The following MAST2 variants were observed in gnomAD, a reference collection of about 807,000 sequenced individuals.
MAST2 encodes the protein microtubule-associated serine/threonine-protein kinase 2.
MAST2 carries 70 observed loss-of-function variants against 147.4 expected under a neutral mutation model. The observed-to-expected ratio is 0.47, with a 90% confidence interval of 0.39 to 0.58. The LOEUF is 0.58. MAST2 is among the 20% of genes least tolerant of loss of function. The pLI, the probability that MAST2 is intolerant of heterozygous loss-of-function variation, is 0.00. For synonymous variants in MAST2, 869 were observed against 896.8 expected (o/e 0.97, Z 0.55); for missense variants, 2,080 against 2,302.3 (o/e 0.90, Z 1.98).
chr1:45,849,590 G>C (rs567506230), intron 3 of MAST2, among the ~76,000 whole-genome samples: 1 of 150,948 alleles, frequency 6.6e-6, no homozygotes, highest in Non-Finnish European at 1.5e-5. Flanking sequence ...GCAGTGGCGC[G>C]ATCTAGGCTC....
chr1:45,995,164 T>C (rs1221163191), intron 5 of MAST2, among the ~76,000 whole-genome samples: 1 of 152,158 alleles, frequency 6.6e-6, no homozygotes, highest in African/African-American at 2.4e-5. Context: ...TTTAAATATA[T>C]TGCTCTGCTG....
chr1:45,902,151 C>G (rs930516650), intron 4 of MAST2, among the ~76,000 whole-genome samples: 1 of 152,132 alleles, frequency 6.6e-6, no homozygotes, highest in Non-Finnish European at 1.5e-5. Context: ...TTTGAGGTGT[C>G]TTCCTTCAAT....
intron 4 of MAST2, among the ~76,000 whole-genome samples, chr1:45,918,654 T>A (rs12405451): frequency 0.45 from 67,649 of 151,740 alleles, 15,268 homozygotes; most frequent in East Asian, 0.63. Flanking sequence ...ACCAGGCTGA[T>A]CTCAGACTCC....
At chr1:45,975,091 A>G (rs1423722430) in intron 5 of MAST2, among the ~76,000 whole-genome samples, 1 of 152,180 alleles carries the variant, frequency 6.6e-6, no homozygotes, top group Non-Finnish European at 1.5e-5. Context: ...TAGTGGTACA[A>G]AGGGCATGTG....
At chr1:45,817,213 A>G (rs972582413) in intron 1 of MAST2, among the ~76,000 whole-genome samples, 3 of 152,218 alleles carry the variant, frequency 2.0e-5, no homozygotes, top group South Asian at 2.1e-4. Context: ...AAAGATTTCT[A>G]TATTCAAGTA....
chr1:45,873,195 T>G (rs970229392), intron 3 of MAST2, among the ~76,000 whole-genome samples: 11 of 151,600 alleles, frequency 7.3e-5, no homozygotes, highest in African/African-American at 2.7e-4. Flanking sequence ...TCCTATTTTT[T>G]TTTTTTTCTC....
chr1:45,888,768 G>GCC lies in MAST2; in HGVS notation c.500+6374_500+6375dup, dbSNP rs1399561534. 4.5e-5 allele frequency among the ~76,000 whole-genome samples: 6 copies of GCC among 133,840 alleles called. No individual in the cohort carries two copies. The East Asian group carries it at 1.1e-3, about 26-fold the overall frequency. The allele number at this position is 133,840 out of a possible 152,430, so 87.8% of individuals were successfully genotyped here. On this transcript the variant is annotated intron_variant, in intron 4 of 28. Transcript: ENST00000361297. ...ACAATCTCGCCTCACTGCAACCTCC[G>GCC]CCTCCCAGGTTCAAGTGATTCTTCC...
At chr1:45,860,586 C>T (rs1645946588) in intron 3 of MAST2, among the ~76,000 whole-genome samples, 2 of 152,048 alleles carry the variant, frequency 1.3e-5, no homozygotes, top group African/African-American at 4.8e-5. Context: ...AATCCCAGCA[C>T]TTTGGGAGGC....
rs545266869 is a variant in MAST2, at chr1:45,862,507, A to G, written c.469-19857A>G. Among the ~76,000 whole-genome samples the G allele has an allele frequency of 3.0e-3, 233 of 76,456 alleles. 1 individual carries two copies. The highest frequency in any genetic ancestry group is 0.027 in the Admixed American group (218 of 8,126). The allele number at this position is 76,456 out of a possible 152,430, so 50.2% of individuals were successfully genotyped here. ...TGAAGATTTTTTTTTTTTTTTTTTA[A>G]CCTTGAGTGGCTGGAGTGCAGTGGC... is the stretch of plus-strand genomic sequence containing the variant. On this transcript the variant is annotated intron_variant, in intron 3 of 28. Transcript: ENST00000361297.
At position 45,961,945 on chromosome 1, in the gene MAST2, C is replaced by T. The variant is rs60933200; in HGVS notation, c.592+2468C>T. Among the ~76,000 whole-genome samples, 999 of 151,842 alleles carry T rather than the reference C, an allele frequency of 6.6e-3. 12 individuals are homozygous for T. Among genetic ancestry groups the T allele is most frequent in the African/African-American group, 0.023 (961 of 41,366 alleles). On this transcript the variant is annotated intron_variant, in intron 5 of 28. Transcript: ENST00000361297. ...CATCCCCCCACCCCACAACAGGCCC[C>T]GGTGTGTGATGTTCCCCTTCCTGTG...
At chr1:45,822,401 G>C (rs1006388154) in intron 1 of MAST2, among the ~76,000 whole-genome samples, 2 of 152,068 alleles carry the variant, frequency 1.3e-5, no homozygotes, top group African/African-American at 4.8e-5. Context: ...GCAGTAAGAA[G>C]GGGTGTGATC....
At chr1:45,820,722 C>T (rs1467196531) in intron 1 of MAST2, among the ~76,000 whole-genome samples, 1 of 150,940 alleles carries the variant, frequency 6.6e-6, no homozygotes, top group Admixed American at 6.6e-5. Flanking sequence ...TTTTTTGGAT[C>T]TTCATTTTTT....
chr1:46,030,885 G>A (rs764837390), intron 22 of MAST2, 122 bp from the exon 23 acceptor site: 17 of 1,464,518 alleles, frequency 1.2e-5, no homozygotes, highest in East Asian at 2.4e-5. Flanking sequence ...CACAAGGGTG[G>A]CTCCTGGAGG....
intron 4 of MAST2, among the ~76,000 whole-genome samples, chr1:45,948,706 C>CAAAAAAAAAAAAAAAA: frequency 2.5e-5 from 1 of 40,238 alleles, no homozygotes; most frequent in Non-Finnish European, 4.0e-5. Flanking sequence ...GACTCCATCT[C>CAAAAAAAAAAAAAAAA]AAAAAAAAAA....
At chr1:45,928,958 C>G (rs1654844757) in intron 4 of MAST2, among the ~76,000 whole-genome samples, 1 of 151,494 alleles carries the variant, frequency 6.6e-6, no homozygotes, top group African/African-American at 2.4e-5. Context: ...TTCTTATGAG[C>G]TCTGTATTTC....
intron 4 of MAST2, among the ~76,000 whole-genome samples, chr1:45,926,349 C>T (rs1213926136): frequency 6.6e-6 from 1 of 152,184 alleles, no homozygotes; most frequent in Non-Finnish European, 1.5e-5. Context: ...TAATTCTTAG[C>T]ACTTCATTTT....
intron 1 of MAST2, among the ~76,000 whole-genome samples, chr1:45,824,053 A>G (rs1644717994): frequency 6.6e-6 from 1 of 152,202 alleles, no homozygotes; most frequent in East Asian, 1.9e-4. Context: ...GGTAAAGTCT[A>G]CCATTTAATG....
chr1:45,973,380 C>T (rs1471605800), intron 5 of MAST2, among the ~76,000 whole-genome samples: 1 of 152,144 alleles, frequency 6.6e-6, no homozygotes, highest in East Asian at 1.9e-4. Context: ...TCTAATCTTT[C>T]TATAGCTTGT....
intron 5 of MAST2, among the ~76,000 whole-genome samples, chr1:45,962,348 T>C (rs1180116198): frequency 1.3e-5 from 2 of 152,022 alleles, no homozygotes; most frequent in African/African-American, 2.4e-5. Context: ...ATCGCCACAC[T>C]GACTTCCACA....
Sources: gnomAD v4.1 joint callset for allele counts (sites outside exome capture counted in the v4.1 genomes callset) on GRCh38, gnomAD v4.1.1 for gene constraint, MANE v1.5 for transcripts, NCBI Gene and HGNC (gene_info 2026-07-23, HGNC 2026-07-21) for gene names.